The following ERC2 variants were observed in gnomAD, a reference collection of about 807,000 sequenced individuals.
The protein encoded by ERC2 is ELKS/RAB6-interacting/CAST family member 2, also known as ERC protein 2.
A neutral mutation model predicts 114.8 loss-of-function variants in ERC2; 42 were observed. The ratio of observed to expected loss-of-function variants is 0.37; its 90% CI spans 0.29 to 0.47. ERC2 has a LOEUF of 0.47. Ranked by LOEUF, ERC2 falls within the 20% of genes least tolerant of loss-of-function variation. The pLI is 0.99. For synonymous variants in ERC2, 454 were observed against 425.5 expected, an observed-to-expected ratio of 1.07 and a Z score of -0.82; for missense variants, 939 against 1,150.7, an observed-to-expected ratio of 0.82 and a Z score of 2.66.
intron 14 of ERC2, among the ~76,000 whole-genome samples, chr3:55,847,994 G>A (rs543519937): frequency 1.3e-5 from 2 of 152,032 alleles, no homozygotes; most frequent in African/African-American, 4.8e-5. Context: ...ATAGGGTCTC[G>A]CTATGTTGCC....
intron 2 of ERC2, among the ~76,000 whole-genome samples, chr3:56,418,679 T>C (rs1461894916): frequency 6.6e-6 from 1 of 152,232 alleles, no homozygotes; most frequent in East Asian, 1.9e-4. Context: ...ACCACACTGA[T>C]TGTTTATTAT....
chr3:55,729,859 AAAAAAAT>A (rs1260719168), intron 15 of ERC2, among the ~76,000 whole-genome samples: 6 of 148,618 alleles, frequency 4.0e-5, no homozygotes, highest in African/African-American at 1.2e-4. Flanking sequence ...AAAAAAAAAA[AAAAAAAT>A]TGTAAGCTAC....
intron 15 of ERC2, among the ~76,000 whole-genome samples, chr3:55,732,504 C>T (rs1367341182): frequency 1.3e-5 from 2 of 152,068 alleles, no homozygotes; most frequent in Non-Finnish European, 2.9e-5. Flanking sequence ...AAACCAAGCT[C>T]GTCGTAAAGA....
At chr3:56,304,735 G>C (rs1336671754) in intron 2 of ERC2, among the ~76,000 whole-genome samples, 2 of 152,170 alleles carry the variant, frequency 1.3e-5, no homozygotes, top group African/African-American at 4.8e-5. Flanking sequence ...TATAAATAAT[G>C]TTAACAGAGT....
At chr3:56,287,230 C>T (rs1387692310) in intron 3 of ERC2, among the ~76,000 whole-genome samples, 1 of 152,152 alleles carries the variant, frequency 6.6e-6, no homozygotes. Context: ...ACACAAAATA[C>T]TCAACAAAAA....
intron 14 of ERC2, among the ~76,000 whole-genome samples, chr3:55,838,381 C>G (rs1330743541): frequency 2.0e-5 from 3 of 151,908 alleles, no homozygotes; most frequent in African/African-American, 7.2e-5. Flanking sequence ...TAGAATAAAA[C>G]TAAACATCTA....
chr3:55,664,291 T>C (rs1262531706), intron 17 of ERC2, among the ~76,000 whole-genome samples: 1 of 152,182 alleles, frequency 6.6e-6, no homozygotes, highest in Non-Finnish European at 1.5e-5. Context: ...TTGAGTCTAC[T>C]TAATTCCTGT....
chr3:56,170,613 T>TTTTGAGGTAGTGTCTCACTATG (rs2082606749), intron 4 of ERC2, among the ~76,000 whole-genome samples: 3 of 149,488 alleles, frequency 2.0e-5, no homozygotes, highest in Admixed American at 6.7e-5. Context: ...TTTTTTTTTT[T>TTTTGAGGTAGTGTCTCACTATG]TGAGGTAGTG....
At chr3:56,414,338 C>G (rs55964515) in intron 2 of ERC2, among the ~76,000 whole-genome samples, 8,924 of 152,274 alleles carry the variant, frequency 0.059, 322 homozygotes, top group Middle Eastern at 0.15. Context: ...ACTCTTTTCT[C>G]CTTCCCTAGA....
intron 14 of ERC2, among the ~76,000 whole-genome samples, chr3:55,832,725 T>C (rs909102978): frequency 1.3e-5 from 2 of 152,210 alleles, no homozygotes; most frequent in African/African-American, 4.8e-5. Flanking sequence ...AGGAACGCAG[T>C]TCCTCACCAG....
At chr3:56,367,319 T>C (rs1434881914) in intron 2 of ERC2, among the ~76,000 whole-genome samples, 1 of 151,802 alleles carries the variant, frequency 6.6e-6, no homozygotes, top group Non-Finnish European at 1.5e-5. Flanking sequence ...TGATTCAAAA[T>C]GGTTCACAAA....
intron 17 of ERC2, among the ~76,000 whole-genome samples, chr3:55,577,499 C>A (rs540106359): frequency 2.0e-5 from 3 of 152,326 alleles, no homozygotes; most frequent in African/African-American, 7.2e-5. Context: ...CCAGCGGCTG[C>A]CTCTATTGCT....
At chr3:56,210,368 C>CATAT (rs1374921309) in intron 3 of ERC2, among the ~76,000 whole-genome samples, 10 of 152,186 alleles carry the variant, frequency 6.6e-5, no homozygotes, top group Non-Finnish European at 1.5e-5. Flanking sequence ...CTGGAGAATG[C>CATAT]ATATATAATA....
At chr3:55,896,947 C>T (rs2063869571) in intron 13 of ERC2, among the ~76,000 whole-genome samples, 1 of 152,184 alleles carries the variant, frequency 6.6e-6, no homozygotes, top group African/African-American at 2.4e-5. Context: ...AGGAAATATT[C>T]AACTGTATTT....
At chr3:55,734,992 A>G in intron 14 of ERC2, 74 bp from the exon 15 acceptor site, 1 of 1,396,748 alleles carries the variant, frequency 7.2e-7, no homozygotes. Context: ...TTTATAGTTG[A>G]AATGAACCAC....
chr3:55,819,997 T>A (rs1292902506), intron 14 of ERC2, among the ~76,000 whole-genome samples: 1 of 152,138 alleles, frequency 6.6e-6, no homozygotes, highest in Non-Finnish European at 1.5e-5. Context: ...TCACCTCACT[T>A]TGAGGGGGCA....
At chr3:55,513,435 C>T (rs985340282) in intron 17 of ERC2, among the ~76,000 whole-genome samples, 2 of 152,156 alleles carry the variant, frequency 1.3e-5, no homozygotes, top group African/African-American at 4.8e-5. Context: ...ACATGATTTA[C>T]ACCAGCTCTT....
intron 13 of ERC2, among the ~76,000 whole-genome samples, chr3:55,940,283 GTAGA>G (rs1214120243): frequency 1.3e-5 from 2 of 149,824 alleles, no homozygotes; most frequent in Admixed American, 1.3e-4. Context: ...CCCCTCTTTT[GTAGA>G]TGAGAAAACT....
chr3:55,657,138 C>G (rs2148697420), intron 17 of ERC2: 1 of 152,264 alleles, frequency 6.6e-6, no homozygotes, highest in South Asian at 2.1e-4. Flanking sequence ...AGATCCTCCT[C>G]TTTCACTCCC....
Sources: gnomAD v4.1 joint callset for allele counts (sites outside exome capture counted in the v4.1 genomes callset) on GRCh38, gnomAD v4.1.1 for gene constraint, MANE v1.5 for transcripts, NCBI Gene and HGNC (gene_info 2026-07-23, HGNC 2026-07-21) for gene names.